Variants in KIAA1217 observed in about 807,000 individuals in gnomAD.
KIAA1217 encodes KIAA1217.
Under a neutral mutation model 163.9 loss-of-function variants are expected in KIAA1217, and 88 were observed. That is an observed-to-expected ratio of 0.54 (90% confidence interval 0.45 to 0.64). The LOEUF (loss-of-function observed/expected upper bound fraction) is 0.64, where lower values mean the gene tolerates loss of function less well. Ranked by LOEUF, KIAA1217 falls within the 30% of genes least tolerant of loss-of-function variation. The probability of loss-of-function intolerance (pLI) is 0.00; values close to 1 mark genes in which losing one functional copy is unlikely to be tolerated. For missense variants in KIAA1217, 2,372 were observed against 2,475.0 expected (o/e 0.96, Z 0.88); for synonymous variants, 903 against 923.1 (o/e 0.98, Z 0.39).
intron 2 of KIAA1217, among the ~76,000 whole-genome samples, chr10:24,032,838 A>G (rs1412745548): frequency 6.6e-6 from 1 of 152,192 alleles, no homozygotes; most frequent in Non-Finnish European, 1.5e-5. Context: ...GCTTATTTTT[A>G]CCTCAGGATT....
At position 23,929,397 on chromosome 10, in the gene KIAA1217, G is replaced by A. The variant is rs1843161068; in HGVS notation, c.-320-77828G>A. On this transcript the variant is annotated intron_variant, in intron 1 of 18. Coordinates refer to the KIAA1217 transcript ENST00000376462. ...AGATATTGTGTGATGCTGAGGTTTG[G>A]GCTTCTGCTGAACCCAATAGTGAGC... Among the ~76,000 whole-genome samples the A allele has an allele frequency of 2.0e-5, 3 of 152,086 alleles. No homozygotes were observed. In the East Asian group the frequency reaches 5.8e-4, roughly 29 times the overall value.
chr10:23,803,507 C>G (rs1836577308), intron 1 of KIAA1217, among the ~76,000 whole-genome samples: 1 of 152,204 alleles, frequency 6.6e-6, no homozygotes, highest in African/African-American at 2.4e-5. Flanking sequence ...GCTGAGGTTT[C>G]TTTTGAAACT....
At chr10:24,360,980 A>G (rs915922334) in intron 2 of KIAA1217, among the ~76,000 whole-genome samples, 4 of 152,118 alleles carry the variant, frequency 2.6e-5, no homozygotes, top group Admixed American at 2.6e-4. Flanking sequence ...TTTTAAAAAA[A>G]TTTTATTACA....
At chr10:24,456,815 G>T (rs146807555) in intron 5 of KIAA1217, among the ~76,000 whole-genome samples, 13,812 of 150,846 alleles carry the variant, frequency 0.092, 633 homozygotes, top group South Asian at 0.12. Flanking sequence ...TGATTCTCCT[G>T]CCTCAGCCTC....
chr10:24,060,012 T>C (rs1336236848), intron 2 of KIAA1217, among the ~76,000 whole-genome samples: 1 of 152,338 alleles, frequency 6.6e-6, no homozygotes, highest in Non-Finnish European at 1.5e-5. Context: ...GATCCTTTTT[T>C]CCTGTGGCAG....
chr10:23,843,596 C>T (rs949427416), intron 1 of KIAA1217, among the ~76,000 whole-genome samples: 1 of 152,144 alleles, frequency 6.6e-6, no homozygotes, highest in African/African-American at 2.4e-5. Context: ...CCTAATTCTG[C>T]TCTCTACTTG....
chr10:24,092,074 C>T (rs185817441), intron 2 of KIAA1217, among the ~76,000 whole-genome samples: 1 of 151,900 alleles, frequency 6.6e-6, no homozygotes, highest in Non-Finnish European at 1.5e-5. Context: ...CAACGTCCTT[C>T]TCTTTCCCTT....
At chr10:23,887,779 G>A (rs530677999) in intron 1 of KIAA1217, among the ~76,000 whole-genome samples, 1 of 151,750 alleles carries the variant, frequency 6.6e-6, no homozygotes, top group South Asian at 2.1e-4. Context: ...GATTGCAGTG[G>A]CACAATCTCA....
intron 2 of KIAA1217, among the ~76,000 whole-genome samples, chr10:24,154,691 A>G (rs1173588923): frequency 6.6e-6 from 1 of 152,130 alleles, no homozygotes; most frequent in East Asian, 1.9e-4. Flanking sequence ...CCTGGCCAAC[A>G]TGGTGAAATC....
At chr10:24,414,492 T>C (rs558152108) in intron 3 of KIAA1217, among the ~76,000 whole-genome samples, 10 of 152,324 alleles carry the variant, frequency 6.6e-5, no homozygotes, top group Admixed American at 2.0e-4. Flanking sequence ...GAGGGGGTAC[T>C]TATAGGGTTG....
chr10:24,515,267 C>A (rs770697651), intron 10 of KIAA1217, among the ~76,000 whole-genome samples: 6 of 151,960 alleles, frequency 3.9e-5, no homozygotes, highest in Admixed American at 3.3e-4. Context: ...GGCGTTTCAC[C>A]ATATTGGTCA....
chr10:23,906,999 G>A (rs1312026903), intron 1 of KIAA1217, among the ~76,000 whole-genome samples: 1 of 152,072 alleles, frequency 6.6e-6, no homozygotes, highest in Non-Finnish European at 1.5e-5. Flanking sequence ...TTTATACACT[G>A]AGGGCTTGAG....
chr10:23,954,462 G>A (rs1469469611), intron 1 of KIAA1217, among the ~76,000 whole-genome samples: 1 of 152,034 alleles, frequency 6.6e-6, no homozygotes, highest in Non-Finnish European at 1.5e-5. Flanking sequence ...CTGCTCGGGA[G>A]GCTAAGGTGG....
In KIAA1217 at chr10:24,413,647, C is replaced by A. The variant is rs1375031487; in HGVS notation, c.554-19348C>A. Among the ~76,000 whole-genome samples the A allele has an allele frequency of 2.0e-5, 3 of 152,180 alleles. No individual in the cohort carries two copies. The East Asian group carries it at 5.8e-4, about 29-fold the overall frequency. On this transcript the variant is annotated intron_variant, in intron 3 of 20. Coordinates refer to ENST00000376454, the MANE Select transcript of KIAA1217 (RefSeq NM_019590.5). ...CATTTCTCATCTCACTCATTTCCCT[C>A]CAAACACAGTAGCTCTCTGCTGTTT...
chr10:23,713,338 A>G (rs553328171), intron 1 of KIAA1217, among the ~76,000 whole-genome samples: 20 of 152,122 alleles, frequency 1.3e-4, no homozygotes, highest in Admixed American at 6.6e-4. Context: ...TATTGCTTTC[A>G]GCTCCTAGTT....
chr10:23,778,170 A>G (rs1835089934), intron 1 of KIAA1217, among the ~76,000 whole-genome samples: 1 of 151,892 alleles, frequency 6.6e-6, no homozygotes, highest in Non-Finnish European at 1.5e-5. Context: ...TGAACTCCTG[A>G]CCTCGTGATT....
chr10:23,884,735 C>A (rs866447625), intron 1 of KIAA1217, among the ~76,000 whole-genome samples: 1 of 151,974 alleles, frequency 6.6e-6, no homozygotes, highest in African/African-American at 2.4e-5. Context: ...ACCATGAGCA[C>A]TGACACGTGG....
At chr10:24,541,479 T>A (rs2075074861) in intron 17 of KIAA1217, among the ~76,000 whole-genome samples, 1 of 152,156 alleles carries the variant, frequency 6.6e-6, no homozygotes, top group South Asian at 2.1e-4. Context: ...TTAAGTAAGG[T>A]CATAGGGGTT....
chr10:24,479,990 A>G (rs1021436522), intron 6 of KIAA1217, among the ~76,000 whole-genome samples: 1 of 152,194 alleles, frequency 6.6e-6, no homozygotes, highest in African/African-American at 2.4e-5. Flanking sequence ...CAGCACTGCC[A>G]CGTGGGGGAT....
Sources: allele counts gnomAD v4.1 joint callset (sites outside exome capture counted in the v4.1 genomes callset), GRCh38; gene constraint gnomAD v4.1.1; transcripts MANE v1.5; gene names NCBI Gene and HGNC (gene_info 2026-07-23, HGNC 2026-07-21).